HS6ST3: variants seen among roughly 807,000 people sequenced by gnomAD.
HS6ST3 encodes heparan sulfate 6-O-sulfotransferase 3, also known as heparan-sulfate 6-O-sulfotransferase 3.
In HS6ST3, 12 loss-of-function variants were observed where a neutral mutation model predicts 36.7. The ratio of observed to expected loss-of-function variants is 0.33; its 90% CI spans 0.21 to 0.53. The LOEUF (loss-of-function observed/expected upper bound fraction) is 0.53. Ranked by LOEUF, HS6ST3 falls within the 20% of genes least tolerant of loss-of-function variation. The probability of loss-of-function intolerance (pLI) is 0.95; values close to 1 mark genes in which losing one functional copy is unlikely to be tolerated. For synonymous variants in HS6ST3, 240 were observed against 257.5 expected (o/e 0.93, Z 0.65); for missense variants, 584 against 640.9 (o/e 0.91, Z 0.96).
chr13:96,294,897 C>T (rs1042159031), intron 1 of HS6ST3, among the ~76,000 whole-genome samples: 5 of 151,822 alleles, frequency 3.3e-5, no homozygotes, highest in Admixed American at 2.6e-4. Flanking sequence ...ATAGAATGAA[C>T]GCATGTGATG....
intron 1 of HS6ST3, among the ~76,000 whole-genome samples, chr13:96,475,223 T>C (rs2055857674): frequency 6.6e-6 from 1 of 152,158 alleles, no homozygotes. Flanking sequence ...TTTTCTACCT[T>C]TCTCGTTTTG....
At chr13:96,562,904 A>G (rs1209278151) in intron 1 of HS6ST3, among the ~76,000 whole-genome samples, 1 of 152,006 alleles carries the variant, frequency 6.6e-6, no homozygotes, top group Non-Finnish European at 1.5e-5. Flanking sequence ...TCAGGATAGG[A>G]GAGAAAGAAA....
At chr13:96,525,499 A>T (rs1465985110) in intron 1 of HS6ST3, among the ~76,000 whole-genome samples, 2 of 152,130 alleles carry the variant, frequency 1.3e-5, no homozygotes, top group African/African-American at 4.8e-5. Context: ...GCTACTGACA[A>T]TATAATGCAG....
At chr13:96,262,826 G>GT (rs1278070485) in intron 1 of HS6ST3, among the ~76,000 whole-genome samples, 3 of 151,990 alleles carry the variant, frequency 2.0e-5, no homozygotes, top group African/African-American at 4.8e-5. Context: ...AGTATAGAAA[G>GT]TTTTTTTTAT....
At chr13:96,253,526 C>T (rs1167510033) in intron 1 of HS6ST3, among the ~76,000 whole-genome samples, 2 of 152,172 alleles carry the variant, frequency 1.3e-5, no homozygotes, top group Non-Finnish European at 2.9e-5. Flanking sequence ...CTCAACTAGA[C>T]TTCAGGGCTC....
At chr13:96,311,417 G>C (rs2054940399) in intron 1 of HS6ST3, among the ~76,000 whole-genome samples, 1 of 152,096 alleles carries the variant, frequency 6.6e-6, no homozygotes, top group African/African-American at 2.4e-5. Flanking sequence ...GAAGTTGTGG[G>C]GGCTGGTGGG....
At chr13:96,368,502 CTTT>C (rs377112513) in intron 1 of HS6ST3, among the ~76,000 whole-genome samples, 27 of 141,588 alleles carry the variant, frequency 1.9e-4, no homozygotes, top group Non-Finnish European at 4.2e-4. Flanking sequence ...ATATTCAGAG[CTTT>C]TTTTTTTAAA....
intron 1 of HS6ST3, among the ~76,000 whole-genome samples, chr13:96,460,605 T>G (rs1239274519): frequency 6.6e-6 from 1 of 152,218 alleles, no homozygotes; most frequent in Non-Finnish European, 1.5e-5. Context: ...TCAGTTATGA[T>G]AGATGCATTT....
chr13:96,310,186 T>C (rs1342615131), intron 1 of HS6ST3, among the ~76,000 whole-genome samples: 1 of 152,220 alleles, frequency 6.6e-6, no homozygotes, highest in Non-Finnish European at 1.5e-5. Flanking sequence ...ATGCTGATTA[T>C]TTTTCTTCAA....
intron 1 of HS6ST3, among the ~76,000 whole-genome samples, chr13:96,136,505 C>T (rs1034429126): frequency 1.3e-5 from 2 of 151,914 alleles, no homozygotes; most frequent in Admixed American, 6.6e-5. Context: ...TATCACTATA[C>T]AGTACCAAGG....
At chr13:96,103,399 G>T (rs571306986) in intron 1 of HS6ST3, among the ~76,000 whole-genome samples, 2 of 152,148 alleles carry the variant, frequency 1.3e-5, no homozygotes, top group Non-Finnish European at 2.9e-5. Flanking sequence ...AGTTTCCTGA[G>T]GTTGGTGAGT....
intron 1 of HS6ST3, among the ~76,000 whole-genome samples, chr13:96,442,522 A>G (rs1241441281): frequency 6.6e-6 from 1 of 152,212 alleles, no homozygotes; most frequent in Non-Finnish European, 1.5e-5. Flanking sequence ...GGAAACCAGA[A>G]TAAAGTCATT....
At chr13:96,155,589 AT>A (rs11323357) in intron 1 of HS6ST3, among the ~76,000 whole-genome samples, 144,605 of 152,038 alleles carry the variant, frequency 0.95, 68,890 homozygotes, top group East Asian at 1. Context: ...AAGGTTAAGG[AT>A]TTTTTTTTAA....
At position 96,608,553 on chromosome 13, in the gene HS6ST3, A is replaced by T. The variant is rs377288165; in HGVS notation, c.708-223937A>T. On this transcript the variant is annotated intron_variant, in intron 1 of 1. Coordinates refer to ENST00000376705, the MANE Select transcript of HS6ST3 (RefSeq NM_153456.4). ...CATGCTGAACTGCACTCTCAAAAGGATGTGTTCTGTAAAATCCGGATTCTG... is the reference window on the plus strand; with the variant it reads ...CATGCTGAACTGCACTCTCAAAAGGTTGTGTTCTGTAAAATCCGGATTCTG... 2.0e-5 allele frequency among the ~76,000 whole-genome samples: 3 copies of T among 152,200 alleles called. 1 individual carries two copies. The East Asian group carries it at 5.8e-4, about 29-fold the overall frequency.
In HS6ST3 at chr13:96,419,904, C is replaced by T. The variant is rs556092063; in HGVS notation, c.707+328335C>T. 4.6e-5 allele frequency among the ~76,000 whole-genome samples: 7 copies of T among 152,258 alleles called. No homozygotes were observed. In the South Asian group the frequency reaches 1.5e-3, roughly 32 times the overall value. On this transcript the variant is annotated intron_variant, in intron 1 of 1. Coordinates refer to ENST00000376705, the MANE Select transcript of HS6ST3 (RefSeq NM_153456.4). ...CAATGATCTCATCTTAAATTGATTG[C>T]ACCTGCAAAGACTCTATTTCCAAAT...
chr13:96,125,073 T>C (rs949810419), intron 1 of HS6ST3, among the ~76,000 whole-genome samples: 11 of 152,172 alleles, frequency 7.2e-5, no homozygotes, highest in Non-Finnish European at 1.2e-4. Context: ...GCTATTTGGA[T>C]TGCAATTAAG....
intron 1 of HS6ST3, among the ~76,000 whole-genome samples, chr13:96,708,130 A>G (rs1315834341): frequency 6.6e-6 from 1 of 152,248 alleles, no homozygotes; most frequent in African/African-American, 2.4e-5. Context: ...TGCTGGTGTC[A>G]TGAGTTCAAG....
intron 1 of HS6ST3, among the ~76,000 whole-genome samples, chr13:96,543,505 A>G (rs575110199): frequency 2.6e-5 from 4 of 152,206 alleles, no homozygotes; most frequent in Non-Finnish European, 5.9e-5. Flanking sequence ...TGCTCTTTAC[A>G]CTGGAATCTT....
Position 96,303,827 on chromosome 13 carries a change from G to A in HS6ST3, c.707+212258G>A, listed in dbSNP as rs138128881. Among the ~76,000 whole-genome samples the A allele has an allele frequency of 7.2e-4, 110 of 152,182 alleles. 2 individuals carry two copies. Among genetic ancestry groups the A allele is most frequent in the African/African-American group, 2.5e-3 (105 of 41,520 alleles). On this transcript the variant is annotated intron_variant, in intron 1 of 1. Transcript: ENST00000376705. ...GAATTCACCTAAGATTTAATGACTG[G>A]AACTAGGAAGATTCAGCTTAAAAAT... is the stretch of plus-strand genomic sequence containing the variant.
Sources: allele counts gnomAD v4.1 joint callset (sites outside exome capture counted in the v4.1 genomes callset), GRCh38; gene constraint gnomAD v4.1.1; transcripts MANE v1.5; gene names NCBI Gene and HGNC (gene_info 2026-07-23, HGNC 2026-07-21).